Variants in DLG2 observed in about 807,000 individuals in gnomAD.
DLG2 encodes disks large homolog 2.
A neutral mutation model predicts 132.5 loss-of-function variants in DLG2; 45 were observed. The ratio of observed to expected loss-of-function variants is 0.34; its 90% confidence interval spans 0.27 to 0.44. The LOEUF is 0.44. Ranked by LOEUF, DLG2 falls within the 20% of genes least tolerant of loss-of-function variation. DLG2 has a pLI of 1.00. For missense variants in DLG2, 1,045 were observed against 1,196.9 expected (o/e 0.87, Z 1.87); for synonymous variants, 424 against 419.6 (o/e 1.01, Z -0.13).
chr11:84,317,726 G>C (rs1044043240), intron 7 of DLG2, among the ~76,000 whole-genome samples: 1 of 152,130 alleles, frequency 6.6e-6, no homozygotes, highest in African/African-American at 2.4e-5. Flanking sequence ...CTTATCTAGA[G>C]AGAGATTTGC....
intron 4 of DLG2, among the ~76,000 whole-genome samples, chr11:85,225,234 C>G (rs1185535188): frequency 6.6e-6 from 1 of 152,106 alleles, no homozygotes; most frequent in East Asian, 1.9e-4. Flanking sequence ...GCTTTCAGCA[C>G]TGCCCAGCAA....
intron 6 of DLG2, among the ~76,000 whole-genome samples, chr11:85,109,307 C>T (rs2072323476): frequency 6.6e-6 from 1 of 152,064 alleles, no homozygotes; most frequent in African/African-American, 2.4e-5. Flanking sequence ...CCAGTAGCCC[C>T]CAGTTCTATG....
chr11:83,653,139 C>A (rs2071143475), intron 18 of DLG2, among the ~76,000 whole-genome samples: 1 of 152,176 alleles, frequency 6.6e-6, no homozygotes, highest in South Asian at 2.1e-4. Flanking sequence ...ATTACCTGAA[C>A]AACAAAGAGA....
At chr11:85,061,220 T>G (rs1432413203) in intron 6 of DLG2, among the ~76,000 whole-genome samples, 1 of 151,902 alleles carries the variant, frequency 6.6e-6, no homozygotes, top group African/African-American at 2.4e-5. Context: ...AGAAGCTTTA[T>G]AGTTTGATAT....
chr11:84,214,319 TTA>T (rs901137719), intron 8 of DLG2, among the ~76,000 whole-genome samples: 13 of 144,212 alleles, frequency 9.0e-5, no homozygotes, highest in South Asian at 6.3e-4. Context: ...CTATACATGT[TTA>T]TATATGTTTT....
chr11:85,126,317 T>A (rs2075105899), intron 5 of DLG2, among the ~76,000 whole-genome samples: 1 of 152,116 alleles, frequency 6.6e-6, no homozygotes, highest in African/African-American at 2.4e-5. Context: ...TATACTTTGG[T>A]AAGAATTTGT....
Position 85,032,189 on chromosome 11 carries a change from T to G in DLG2, c.357+79472A>C, listed in dbSNP as rs998190856. On this transcript the variant is annotated intron_variant, in intron 6 of 27. Coordinates refer to ENST00000376104, the MANE Select transcript of DLG2 (RefSeq NM_001142699.3). The stretch of plus-strand genomic sequence containing the variant: ...TGAAGTAGAGCTTTTCATACCATAT[T>G]TATTCATTATTGTCCCAACAATAAT... Among the ~76,000 whole-genome samples, 9 of 152,144 alleles carry G rather than the reference T, an allele frequency of 5.9e-5. 1 individual carries two copies. Among genetic ancestry groups the G allele is most frequent in the Admixed American group, 5.9e-4 (9 of 15,268 alleles).
At chr11:84,087,332 T>C (rs530145937) in intron 10 of DLG2, among the ~76,000 whole-genome samples, 20 of 152,354 alleles carry the variant, frequency 1.3e-4, no homozygotes, top group African/African-American at 4.3e-4. Flanking sequence ...CCATCTTTTT[T>C]ATTATAGCCA....
At chr11:83,472,313 C>G (rs2092145767) in intron 23 of DLG2, among the ~76,000 whole-genome samples, 1 of 152,094 alleles carries the variant, frequency 6.6e-6, no homozygotes, top group African/African-American at 2.4e-5. Flanking sequence ...TGTATAAATG[C>G]CTCCAGGAAA....
chr11:84,828,977 T>C (rs577636616), intron 6 of DLG2, among the ~76,000 whole-genome samples: 2 of 151,774 alleles, frequency 1.3e-5, no homozygotes, highest in African/African-American at 4.8e-5. Flanking sequence ...ACCAAATCAA[T>C]GGTGAGTCTC....
intron 6 of DLG2, among the ~76,000 whole-genome samples, chr11:85,092,677 C>T (rs982305632): frequency 6.8e-6 from 1 of 147,220 alleles, no homozygotes; most frequent in African/African-American, 2.5e-5. Flanking sequence ...GAGTTTCACT[C>T]TGTTGCCCAG....
chr11:84,856,034 G>A (rs992261215), intron 6 of DLG2, among the ~76,000 whole-genome samples: 3 of 151,936 alleles, frequency 2.0e-5, no homozygotes, highest in Non-Finnish European at 4.4e-5. Context: ...GTCACAGAGG[G>A]TTGCATAAAA....
Position 85,492,047 on chromosome 11 carries a change from T to A in DLG2, c.40+106610A>T, listed in dbSNP as rs543430704. 4.6e-5 allele frequency among the ~76,000 whole-genome samples: 7 copies of A among 152,198 alleles called. No homozygotes were observed. In the East Asian group the frequency reaches 1.3e-3, roughly 29 times the overall value. ...AGATACTCTCATAAAGCCAGACACA[T>A]AAATCAATGGTAAGAATAGTTAACA... On this transcript the variant is annotated intron_variant, in intron 3 of 27. Transcript: ENST00000376104.
At chr11:84,017,893 C>T (rs962389407) in intron 11 of DLG2, among the ~76,000 whole-genome samples, 2 of 151,944 alleles carry the variant, frequency 1.3e-5, no homozygotes, top group African/African-American at 2.4e-5. Context: ...GGCTTCTAGG[C>T]TCTGTTGTTT....
intron 9 of DLG2, among the ~76,000 whole-genome samples, chr11:84,118,189 T>C (rs1057044346): frequency 3.3e-5 from 5 of 152,134 alleles, no homozygotes; most frequent in Admixed American, 6.5e-5. Context: ...CTAATTAGTA[T>C]ATTTAAATCC....
intron 18 of DLG2, among the ~76,000 whole-genome samples, chr11:83,741,815 T>C (rs1338560887): frequency 6.6e-6 from 1 of 151,968 alleles, no homozygotes; most frequent in African/African-American, 2.4e-5. Context: ...GAGACCATCC[T>C]GGTTAACTTG....
At chr11:83,783,877 T>A (rs2094934135) in intron 18 of DLG2, among the ~76,000 whole-genome samples, 1 of 152,162 alleles carries the variant, frequency 6.6e-6, no homozygotes, top group African/African-American at 2.4e-5. Context: ...GCTGCTAAGA[T>A]CATTCAATCT....
intron 15 of DLG2, among the ~76,000 whole-genome samples, chr11:83,926,980 C>T (rs1217780942): frequency 6.6e-6 from 1 of 152,134 alleles, no homozygotes; most frequent in Non-Finnish European, 1.5e-5. Context: ...TGTAGACAAT[C>T]ACCATAGACA....
intron 6 of DLG2, among the ~76,000 whole-genome samples, chr11:84,896,030 ATTAG>A (rs1311113678): frequency 1.3e-5 from 2 of 152,126 alleles, no homozygotes; most frequent in African/African-American, 4.8e-5. Context: ...TAACTGGTTG[ATTAG>A]TTAGGAGTGA....
Sources: gnomAD v4.1 joint callset for allele counts (sites outside exome capture counted in the v4.1 genomes callset) on GRCh38, gnomAD v4.1.1 for gene constraint, MANE v1.5 for transcripts, NCBI Gene and HGNC (gene_info 2026-07-23, HGNC 2026-07-21) for gene names.